Variants in TACR1 observed in about 807,000 individuals in gnomAD.
TACR1 encodes tachykinin receptor 1, also known as substance-P receptor.
In TACR1, 25 loss-of-function variants were observed where a neutral mutation model predicts 35.8. The ratio of observed to expected loss-of-function variants is 0.70; its 90% CI spans 0.51 to 0.98. The LOEUF is 0.98. Among genes scored for constraint, TACR1 ranks in the 50% least tolerant of loss-of-function variants. The pLI is 0.00. For synonymous variants in TACR1, 195 were observed against 206.7 expected (o/e 0.94, Z 0.48); for missense variants, 478 against 522.9 (o/e 0.91, Z 0.84).
At chr2:75,091,928 A>G (rs1673320220) in intron 2 of TACR1, among the ~76,000 whole-genome samples, 1 of 152,234 alleles carries the variant, frequency 6.6e-6, no homozygotes, top group Non-Finnish European at 1.5e-5. Flanking sequence ...TAAGTTCTGT[A>G]AGCCTCAGTT....
intron 2 of TACR1, among the ~76,000 whole-genome samples, chr2:75,088,938 G>T (rs1476139485): frequency 6.6e-6 from 1 of 152,124 alleles, no homozygotes; most frequent in East Asian, 1.9e-4. Flanking sequence ...TCCACATGCT[G>T]CCCCCACCCT....
At chr2:75,086,234 G>A (rs990637670) in intron 2 of TACR1, among the ~76,000 whole-genome samples, 1 of 152,078 alleles carries the variant, frequency 6.6e-6, no homozygotes, top group Non-Finnish European at 1.5e-5. Context: ...GGGAGACTGA[G>A]AGCATAGCCC....
At chr2:75,128,792 C>A (rs532042650) in intron 1 of TACR1, among the ~76,000 whole-genome samples, 1 of 152,116 alleles carries the variant, frequency 6.6e-6, no homozygotes, top group Non-Finnish European at 1.5e-5. Flanking sequence ...TAGCTCACAA[C>A]ATTTGTGAGC....
chr2:75,084,760 G>A (rs1187027079), intron 2 of TACR1, among the ~76,000 whole-genome samples: 1 of 152,124 alleles, frequency 6.6e-6, no homozygotes, highest in Non-Finnish European at 1.5e-5. Context: ...ATTTCTGTGG[G>A]ATTGGTGGTG....
chr2:75,184,513 T>G (rs1675639722), intron 1 of TACR1, among the ~76,000 whole-genome samples: 1 of 151,828 alleles, frequency 6.6e-6, no homozygotes, highest in African/African-American at 2.4e-5. Context: ...TGCCATTATC[T>G]GAGGAAAACC....
intron 1 of TACR1, among the ~76,000 whole-genome samples, chr2:75,170,326 C>T (rs989836664): frequency 6.6e-6 from 1 of 152,196 alleles, no homozygotes. Context: ...CATGACTTTG[C>T]TACTCATTTG....
At chr2:75,150,641 T>C (rs1277013194) in intron 1 of TACR1, among the ~76,000 whole-genome samples, 2 of 152,228 alleles carry the variant, frequency 1.3e-5, no homozygotes, top group African/African-American at 4.8e-5. Context: ...GGTATGTTTT[T>C]TATAAGCAGT....
rs573179059 is a variant in TACR1 at position 75,144,797 on chromosome 2, A to G, written c.390-24029T>C. Among the ~76,000 whole-genome samples, 12 of 152,326 alleles carry G rather than the reference A, an allele frequency of 7.9e-5. No individual in the cohort carries two copies. The South Asian group carries it at 1.7e-3, about 21-fold the overall frequency. ...TTGTGAATTCAAATTTTAAATTTCA[A>G]ATTTTTAACTGGAAGTGGTAGCAAT... On this transcript the variant is annotated intron_variant, in intron 1 of 4. Coordinates refer to ENST00000305249, the MANE Select transcript of TACR1 (RefSeq NM_001058.4).
At chr2:75,099,852 T>C (rs1290366803) in intron 2 of TACR1, among the ~76,000 whole-genome samples, 4 of 152,166 alleles carry the variant, frequency 2.6e-5, no homozygotes, top group Non-Finnish European at 5.9e-5. Flanking sequence ...TGTAAATCCA[T>C]CTATGAGCTT....
intron 2 of TACR1, among the ~76,000 whole-genome samples, chr2:75,118,353 C>G (rs1258534232): frequency 6.6e-6 from 1 of 152,158 alleles, no homozygotes; most frequent in Non-Finnish European, 1.5e-5. Flanking sequence ...TATCAATAAA[C>G]ATGTTACACT....
rs547538552 is a variant in TACR1 at position 75,174,429 on chromosome 2, C to T, written c.389+24117G>A. 4.6e-5 allele frequency among the ~76,000 whole-genome samples: 7 copies of T among 152,262 alleles called. No homozygotes were observed. The South Asian group carries it at 1.0e-3, about 23-fold the overall frequency. On this transcript the variant is annotated intron_variant, in intron 1 of 4. Coordinates refer to ENST00000305249, the MANE Select transcript of TACR1 (RefSeq NM_001058.4). The stretch of plus-strand genomic sequence containing the variant: ...AGTGACTAACGGTAGGTAGCATAGA[C>T]AGTAGATACACTGGGACAAAGTGAT...
At chr2:75,073,754 C>A (rs1322281505) in intron 2 of TACR1, among the ~76,000 whole-genome samples, 1 of 152,198 alleles carries the variant, frequency 6.6e-6, no homozygotes, top group Non-Finnish European at 1.5e-5. Flanking sequence ...AACTCACTCA[C>A]TCTTCTGGCC....
chr2:75,073,578 T>C (rs1361598590), intron 2 of TACR1, among the ~76,000 whole-genome samples: 6 of 151,974 alleles, frequency 3.9e-5, no homozygotes, highest in Admixed American at 6.5e-5. Context: ...GAAGAGAAGG[T>C]GAAGGTCAGG....
intron 1 of TACR1, among the ~76,000 whole-genome samples, chr2:75,137,907 TC>T (rs1674331699): frequency 6.6e-6 from 1 of 152,094 alleles, no homozygotes; most frequent in Non-Finnish European, 1.5e-5. Flanking sequence ...TATGATGGGA[TC>T]TTTGGCATAA....
intron 2 of TACR1, among the ~76,000 whole-genome samples, chr2:75,111,722 G>A (rs2103889538): frequency 6.6e-6 from 1 of 152,054 alleles, no homozygotes; most frequent in East Asian, 1.9e-4. Context: ...ACTGTATATT[G>A]TATTGTGCAT....
At chr2:75,093,830 C>T (rs924009414) in intron 2 of TACR1, among the ~76,000 whole-genome samples, 1 of 151,906 alleles carries the variant, frequency 6.6e-6, no homozygotes, top group African/African-American at 2.4e-5. Flanking sequence ...CTGGATTTAC[C>T]TGTGGGGTAA....
intron 4 of TACR1, among the ~76,000 whole-genome samples, chr2:75,050,516 A>T (rs556481927): frequency 6.6e-6 from 1 of 152,130 alleles, no homozygotes; most frequent in African/African-American, 2.4e-5. Context: ...TGCAGCCACT[A>T]TGTGTCCCTG....
intron 1 of TACR1, among the ~76,000 whole-genome samples, chr2:75,192,256 GT>G (rs1422733970): frequency 1.4e-5 from 2 of 139,202 alleles, no homozygotes; most frequent in African/African-American, 6.2e-5. Flanking sequence ...ACCAGGGACA[GT>G]TAACCAGAGC....
At chr2:75,055,994 A>G (rs1006869650) in intron 2 of TACR1, among the ~76,000 whole-genome samples, 5 of 152,258 alleles carry the variant, frequency 3.3e-5, no homozygotes, top group Non-Finnish European at 1.5e-5. Context: ...TAAAATGATC[A>G]GTGCCCAAAG....
Sources: gnomAD v4.1 joint callset for allele counts (sites outside exome capture counted in the v4.1 genomes callset) on GRCh38, gnomAD v4.1.1 for gene constraint, MANE v1.5 for transcripts, NCBI Gene and HGNC (gene_info 2026-07-23, HGNC 2026-07-21) for gene names.